Variants in MUSK observed in about 807,000 individuals in gnomAD.
MUSK encodes muscle, skeletal receptor tyrosine-protein kinase.
A neutral mutation model predicts 88.7 loss-of-function variants in MUSK; 55 were observed. That is an observed-to-expected ratio of 0.62 (90% confidence interval 0.50 to 0.78). The LOEUF is 0.78. MUSK is among the 30% of genes least tolerant of loss of function. MUSK has a pLI of 0.00. For synonymous variants in MUSK, 387 were observed against 391.9 expected (o/e 0.99, Z 0.15); for missense variants, 1,015 against 1,074.3 (o/e 0.94, Z 0.77).
intron 2 of MUSK, among the ~76,000 whole-genome samples, chr9:110,686,711 A>G (rs1564213964): frequency 6.6e-6 from 1 of 152,228 alleles, no homozygotes; most frequent in Non-Finnish European, 1.5e-5. Flanking sequence ...AGTTACTTCT[A>G]TAAGTAATTA....
At chr9:110,681,362 G>T (rs973487379) in intron 1 of MUSK, among the ~76,000 whole-genome samples, 2 of 149,446 alleles carry the variant, frequency 1.3e-5, no homozygotes, top group Non-Finnish European at 3.0e-5. Context: ...ATACAGTTTT[G>T]TTCATTTAAA....
At chr9:110,784,361 TCTC>T (rs1445587704) in intron 11 of MUSK, among the ~76,000 whole-genome samples, 1 of 152,198 alleles carries the variant, frequency 6.6e-6, no homozygotes, top group Non-Finnish European at 1.5e-5. Context: ...TGAATTAACT[TCTC>T]ATTTGTCTCC....
rs867692195 is a variant in MUSK at position 110,695,462 on chromosome 9, C to A, written c.418C>A (p.Leu140Ile). 6.4e-7 allele frequency: 1 copy of A among 1,550,908 alleles called. No individual in the cohort carries two copies. Among genetic ancestry groups the A allele is most frequent in the East Asian group, 2.3e-5 (1 of 42,668 alleles). Residue 140 changes from leucine to isoleucine, a missense_variant, in exon 4 of 15, where the codon CTA (leucine) becomes ATA (isoleucine). Leu to Ile is a conservative substitution (Grantham distance 5, BLOSUM62 2). Transcript: ENST00000374448. ...AATAATAGAGGGATTAAAAGCAGTC[C>A]TACCATGTACTACAATGGGTAATCC... ...VKIIEGLKAV[L>I]PCTTMGNPKP...
At chr9:110,689,575 T>C (rs2076264084) in intron 3 of MUSK, among the ~76,000 whole-genome samples, 1 of 105,500 alleles carries the variant, frequency 9.5e-6, no homozygotes, top group Non-Finnish European at 1.7e-5. Context: ...TATATTTATA[T>C]ATTTTTTACT....
At chr9:110,681,621 C>T (rs73536277) in intron 1 of MUSK, among the ~76,000 whole-genome samples, 3,433 of 151,910 alleles carry the variant, frequency 0.023, 126 homozygotes, top group African/African-American at 0.079. Flanking sequence ...TAAACTGAAT[C>T]GTAAAAGACA....
chr9:110,696,827 C>A (rs2076435524), intron 4 of MUSK, among the ~76,000 whole-genome samples: 1 of 151,690 alleles, frequency 6.6e-6, no homozygotes. Flanking sequence ...TTTTGGGGTA[C>A]TAGTGGTTTT....
intron 3 of MUSK, among the ~76,000 whole-genome samples, chr9:110,691,153 G>C (rs1307274451): frequency 6.6e-6 from 1 of 151,996 alleles, no homozygotes; most frequent in Non-Finnish European, 1.5e-5. Flanking sequence ...GCATGAGCCT[G>C]TTTGTGTTAA....
At chr9:110,690,460 TTAAATA>T (rs1268750274) in intron 3 of MUSK, among the ~76,000 whole-genome samples, 1 of 81,248 alleles carries the variant, frequency 1.2e-5, no homozygotes, top group Admixed American at 1.6e-4. Context: ...AAATATATAT[TTAAATA>T]TAAGTATATA....
intron 11 of MUSK, among the ~76,000 whole-genome samples, chr9:110,783,609 T>C (rs996957389): frequency 8.6e-5 from 13 of 152,038 alleles, no homozygotes; most frequent in Non-Finnish European, 1.9e-4. Flanking sequence ...GACTACTATA[T>C]GAATATTTAT....
rs1249957356 is a variant in MUSK, at chr9:110,801,736, T to C, written c.*748T>C. The C allele has an allele frequency of 6.6e-6, 1 of 152,238 alleles. No homozygotes were observed. Among genetic ancestry groups the C allele is most frequent in the East Asian group, 1.9e-4 (1 of 5,196 alleles). 9.4% of individuals were successfully genotyped at this position (152,238 alleles called of 1,614,324 possible). A position where few individuals can be genotyped will look rare whatever the true frequency, so the allele number is the denominator to read the frequency against. ...TTTCTTGAAACAAGTTTTTGTATCT[T>C]ACTGATTTACCTTTTCCTTTAAAAA... On this transcript the variant is annotated 3_prime_UTR_variant, in exon 15 of 15. Coordinates refer to ENST00000374448, the MANE Select transcript of MUSK (RefSeq NM_005592.4).
chr9:110,764,100 T>G (rs1282100119), intron 8 of MUSK, among the ~76,000 whole-genome samples: 1 of 152,294 alleles, frequency 6.6e-6, no homozygotes, highest in East Asian at 1.9e-4. Context: ...ACTGTTTCCA[T>G]GTGCAATATT....
intron 2 of MUSK, among the ~76,000 whole-genome samples, chr9:110,686,431 C>T (rs370618620): frequency 2.0e-5 from 3 of 152,148 alleles, no homozygotes; most frequent in Admixed American, 6.6e-5. Context: ...GCTTACCACA[C>T]GCATTTGGCA....
chr9:110,700,139 G>A (rs574715422), intron 5 of MUSK, among the ~76,000 whole-genome samples: 5 of 152,192 alleles, frequency 3.3e-5, no homozygotes, highest in East Asian at 1.9e-4. Context: ...TAACTCAAGC[G>A]TGGTGCAGCA....
In MUSK at chr9:110,805,791, A is replaced by G. The variant is rs2078153662; in HGVS notation, c.*4803A>G. On this transcript the variant is annotated 3_prime_UTR_variant, in exon 15 of 15. Coordinates refer to ENST00000374448, the MANE Select transcript of MUSK (RefSeq NM_005592.4). ...ATAAACTTTTTGGGCGAATCATATCAATCTTCTACTTAACTACCAAATTAA... is the reference window on the plus strand; with the variant it reads ...ATAAACTTTTTGGGCGAATCATATCGATCTTCTACTTAACTACCAAATTAA... 6.6e-6 allele frequency among the ~76,000 whole-genome samples: 1 copy of G among 151,666 alleles called. No homozygotes were observed. The highest frequency in any genetic ancestry group is 2.4e-5 in the African/African-American group (1 of 41,312).
intron 6 of MUSK, 129 bp downstream of exon 6, chr9:110,734,504 C>T (rs2077004188): frequency 4.2e-6 from 5 of 1,185,670 alleles, no homozygotes; most frequent in Non-Finnish European, 5.9e-6. Context: ...TCAAAGCCTC[C>T]CAATATCTTT....
intron 11 of MUSK, among the ~76,000 whole-genome samples, chr9:110,777,972 A>C (rs2077696187): frequency 6.6e-6 from 1 of 152,156 alleles, no homozygotes; most frequent in African/African-American, 2.4e-5. Flanking sequence ...AATTATTATT[A>C]AAAGAGTTGG....
intron 14 of MUSK, among the ~76,000 whole-genome samples, chr9:110,791,009 G>A (rs573016710): frequency 2.0e-5 from 3 of 152,150 alleles, no homozygotes; most frequent in Non-Finnish European, 4.4e-5. Flanking sequence ...GATTGATCAA[G>A]GAACTTAAGC....
chr9:110,756,254 A>C (rs1411046618), intron 7 of MUSK, among the ~76,000 whole-genome samples: 2 of 151,792 alleles, frequency 1.3e-5, no homozygotes, highest in Admixed American at 1.3e-4. Flanking sequence ...CCTTCGGAAG[A>C]CTGTGTATTG....
chr9:110,754,977 G>C (rs2077293031), intron 7 of MUSK, among the ~76,000 whole-genome samples: 1 of 152,090 alleles, frequency 6.6e-6, no homozygotes, highest in African/African-American at 2.4e-5. Context: ...TCACCTCTTA[G>C]ATGATCAAAA....
Sources: gnomAD v4.1 joint callset for allele counts (sites outside exome capture counted in the v4.1 genomes callset) on GRCh38, gnomAD v4.1.1 for gene constraint, MANE v1.5 for transcripts, NCBI Gene and HGNC (gene_info 2026-07-23, HGNC 2026-07-21) for gene names.